Variants in MPPED2 observed in about 807,000 individuals in gnomAD.
MPPED2 encodes the protein metallophosphoesterase MPPED2.
In MPPED2, 5 loss-of-function variants were observed where a neutral mutation model predicts 33.0. The ratio of observed to expected loss-of-function variants is 0.15; its 90% CI spans 0.08 to 0.32. MPPED2 has a LOEUF of 0.32. Ranked by LOEUF, MPPED2 falls within the 10% of genes least tolerant of loss-of-function variation. MPPED2 has a pLI of 1.00. For missense variants in MPPED2, 275 were observed against 372.1 expected, an observed-to-expected ratio of 0.74 and a Z score of 2.15; for synonymous variants, 136 against 141.9, an observed-to-expected ratio of 0.96 and a Z score of 0.29.
chr11:30,414,237 T>C lies in MPPED2; in HGVS notation c.757A>G (p.Ile253Val), dbSNP rs1948242076. 3 of 1,611,984 alleles carry C rather than the reference T, an allele frequency of 1.9e-6. No homozygotes were observed. In the African/African-American group the frequency reaches 4.0e-5, roughly 22 times the overall value. The change falls in exon 6 of 7, where the codon ATC becomes GTC. Residue 253 changes from isoleucine (I) to valine (V), a missense_variant. Coordinates refer to ENST00000358117, the MANE Select transcript of MPPED2 (RefSeq NM_001584.3). ...VRPKLHVFGG[I>V]HEGYGIMTDG... ...TTTCCGCTGTTCTTACCTTCATGGA[T>C]TCCACCAAACACATGGAGCTTGGGC...
At chr11:30,464,636 A>C (rs1454422312) in intron 4 of MPPED2, among the ~76,000 whole-genome samples, 3 of 152,234 alleles carry the variant, frequency 2.0e-5, no homozygotes, top group Non-Finnish European at 4.4e-5. Context: ...AAACCTGCTA[A>C]GTTATTTTGC....
intron 3 of MPPED2, among the ~76,000 whole-genome samples, chr11:30,519,477 A>T (rs745374045): frequency 7.2e-5 from 11 of 151,876 alleles, no homozygotes; most frequent in Non-Finnish European, 1.6e-4. Context: ...TGGTAGTAAT[A>T]GTAATAATAG....
At chr11:30,512,869 T>A (rs1316351178) in intron 3 of MPPED2, among the ~76,000 whole-genome samples, 1 of 152,172 alleles carries the variant, frequency 6.6e-6, no homozygotes, top group Non-Finnish European at 1.5e-5. Flanking sequence ...AATGTGGTGG[T>A]GTACACCTGT....
rs147357588 is a variant in MPPED2, at chr11:30,414,235, G to T, written c.759C>A (p.Ile253=). ...CTTTTCCGCTGTTCTTACCTTCATG[G>T]ATTCCACCAAACACATGGAGCTTGG... ...VRPKLHVFGG[I]HEGYGIMTDG... is the part of the protein sequence containing the mutation. The change falls in exon 6 of 7, where the codon ATC becomes ATA. Residue 253 remains isoleucine, a synonymous_variant. Coordinates refer to ENST00000358117, the MANE Select transcript of MPPED2 (RefSeq NM_001584.3). The T allele has an allele frequency of 3.8e-5, 61 of 1,610,652 alleles. No homozygotes were observed. In the Middle Eastern group the frequency reaches 4.9e-4, roughly 13 times the overall value.
exon 7 of MPPED2, chr11:30,387,739 A>G (rs1316017072): frequency 1.3e-5 from 2 of 152,352 alleles, no homozygotes; most frequent in Non-Finnish European, 2.9e-5. Flanking sequence ...GTCCCAGCAA[A>G]GCCCCATTTG....
chr11:30,520,734 C>G (rs1953825294), intron 3 of MPPED2, among the ~76,000 whole-genome samples: 1 of 152,134 alleles, frequency 6.6e-6, no homozygotes, highest in African/African-American at 2.4e-5. Context: ...GTCAAAATGT[C>G]ACTTTTTACG....
At chr11:30,438,235 T>C (rs1039182422) in intron 4 of MPPED2, among the ~76,000 whole-genome samples, 3 of 152,092 alleles carry the variant, frequency 2.0e-5, no homozygotes, top group African/African-American at 7.2e-5. Flanking sequence ...TGAGAAGAAG[T>C]GTGGTGAGTG....
At chr11:30,456,597 G>C (rs1950289093) in intron 4 of MPPED2, among the ~76,000 whole-genome samples, 1 of 151,960 alleles carries the variant, frequency 6.6e-6, no homozygotes, top group Non-Finnish European at 1.5e-5. Flanking sequence ...CTGTTGTAGA[G>C]GAATCCATGT....
At chr11:30,549,774 A>G (rs1344821412) in intron 2 of MPPED2, among the ~76,000 whole-genome samples, 1 of 152,086 alleles carries the variant, frequency 6.6e-6, no homozygotes, top group East Asian at 1.9e-4. Flanking sequence ...TCTCTTCCTC[A>G]TGAAGAGGTG....
intron 1 of MPPED2, 69 bp from the exon 2 acceptor site, chr11:30,580,563 T>G: frequency 7.3e-7 from 1 of 1,367,138 alleles, no homozygotes; most frequent in Non-Finnish European, 9.5e-7. Context: ...AGACATAAAT[T>G]TAACATCTAG....
At chr11:30,453,117 A>T (rs1052182612) in intron 4 of MPPED2, among the ~76,000 whole-genome samples, 7 of 152,146 alleles carry the variant, frequency 4.6e-5, no homozygotes, top group Non-Finnish European at 8.8e-5. Context: ...AATATAAAAG[A>T]CTAATCTCTC....
chr11:30,462,937 C>T (rs1233262955), intron 4 of MPPED2, among the ~76,000 whole-genome samples: 1 of 152,094 alleles, frequency 6.6e-6, no homozygotes, highest in Non-Finnish European at 1.5e-5. Flanking sequence ...AGAAGGGGAA[C>T]AGTTGGGAAA....
intron 2 of MPPED2, among the ~76,000 whole-genome samples, chr11:30,546,165 C>T (rs2152656): frequency 0.018 from 2,808 of 152,112 alleles, 38 homozygotes; most frequent in Non-Finnish European, 0.025. Flanking sequence ...ACCCAAAGTT[C>T]GGAAAAAACA....
chr11:30,438,675 A>T (rs2133885168), intron 4 of MPPED2, among the ~76,000 whole-genome samples: 1 of 152,354 alleles, frequency 6.6e-6, no homozygotes, highest in East Asian at 1.9e-4. Context: ...TCTTTAGGTG[A>T]AAGACATTAC....
intron 2 of MPPED2, among the ~76,000 whole-genome samples, chr11:30,538,489 A>G (rs1055382266): frequency 1.3e-5 from 2 of 152,180 alleles, no homozygotes; most frequent in East Asian, 3.9e-4. Context: ...ACTTCATACT[A>G]GGCAATAAAT....
chr11:30,453,339 T>C (rs973633556), intron 4 of MPPED2, among the ~76,000 whole-genome samples: 4 of 152,246 alleles, frequency 2.6e-5, no homozygotes, highest in Non-Finnish European at 5.9e-5. Flanking sequence ...GATCATCTAT[T>C]GGCTCTCAAG....
In MPPED2 at chr11:30,583,890, C is replaced by T. The variant is rs111634623; in HGVS notation, c.-122+2152G>A. ...GAGCCTGGCGGGACTTTGGAACTTG[C>T]CTGCTCCAAATCCGCCAAATTTCGC... On this transcript the variant is annotated intron_variant, in intron 1 of 6. Coordinates refer to ENST00000358117, the MANE Select transcript of MPPED2 (RefSeq NM_001584.3). Among the ~76,000 whole-genome samples the T allele has an allele frequency of 4.6e-3, 705 of 152,318 alleles. 9 individuals are homozygous for T. The highest frequency in any genetic ancestry group is 0.016 in the African/African-American group (675 of 41,584).
At position 30,410,570 on chromosome 11, in the gene MPPED2, A is replaced by T; in HGVS notation, c.*898T>A. The T allele has an allele frequency of 1.0e-6, 1 of 985,738 alleles. No homozygotes were observed. The highest frequency in any genetic ancestry group is 1.2e-6 in the Non-Finnish European group (1 of 829,940). 61.1% of individuals were successfully genotyped at this position (985,738 alleles called of 1,614,324 possible). A position where few individuals can be genotyped will look rare whatever the true frequency, so the allele number is the denominator to read the frequency against. Reference sequence around the variant, plus strand: ...TGTAACTGTACCTAGATTTAACTCAAGCTCTTTAAGACCTTGAGCTCTGAG... The same window carrying T: ...TGTAACTGTACCTAGATTTAACTCATGCTCTTTAAGACCTTGAGCTCTGAG... On this transcript the variant is annotated 3_prime_UTR_variant, in exon 7 of 7. Transcript: ENST00000358117.
At chr11:30,572,317 C>A (rs1240978031) in intron 2 of MPPED2, among the ~76,000 whole-genome samples, 1 of 151,954 alleles carries the variant, frequency 6.6e-6, no homozygotes, top group African/African-American at 2.4e-5. Context: ...TGCTTGAGTG[C>A]AAACAAAGAA....
Sources: gnomAD v4.1 joint callset for allele counts (sites outside exome capture counted in the v4.1 genomes callset) on GRCh38, gnomAD v4.1.1 for gene constraint, MANE v1.5 for transcripts, NCBI Gene and HGNC (gene_info 2026-07-23, HGNC 2026-07-21) for gene names.